Variants in RIMS2 observed in about 807,000 individuals in gnomAD.
The protein encoded by RIMS2 is regulating synaptic membrane exocytosis 2, also known as regulating synaptic membrane exocytosis protein 2.
RIMS2 carries 59 observed loss-of-function variants against 174.4 expected under a neutral mutation model. The observed-to-expected ratio is 0.34, with a 90% CI of 0.27 to 0.42. The LOEUF is 0.42. Among genes scored for constraint, RIMS2 ranks in the 10% least tolerant of loss-of-function variants. The pLI is 1.00. For synonymous variants in RIMS2, 606 were observed against 572.5 expected (o/e 1.06, Z -0.84); for missense variants, 1,620 against 1,666.3 (o/e 0.97, Z 0.48).
At chr8:103,500,896 C>T (rs1267426579) in exon 1 of RIMS2, 42 of 1,597,096 alleles carry the variant, frequency 2.6e-5, no homozygotes, top group Non-Finnish European at 3.6e-5. Context: ...CATGTCGGCT[C>T]CTGTCGGGCC....
chr8:103,834,674 CT>C (rs1554867087), intron 3 of RIMS2, among the ~76,000 whole-genome samples: 1 of 113,852 alleles, frequency 8.8e-6, no homozygotes, highest in Non-Finnish European at 2.0e-5. Context: ...CCTCTGAGGT[CT>C]TTTTCTTTCT....
intron 19 of RIMS2, among the ~76,000 whole-genome samples, chr8:104,069,201 G>A (rs530046084): frequency 6.6e-6 from 1 of 152,114 alleles, no homozygotes; most frequent in East Asian, 1.9e-4. Context: ...CCAACTATAG[G>A]CAAATGTTAA....
At chr8:103,731,985 CTTGTTGATGT>C (rs2097602550) in intron 2 of RIMS2, among the ~76,000 whole-genome samples, 1 of 152,122 alleles carries the variant, frequency 6.6e-6, no homozygotes, top group African/African-American at 2.4e-5. Context: ...AGTCTTGGTG[CTTGTTGATGT>C]TTGTTGATGT....
intron 19 of RIMS2, among the ~76,000 whole-genome samples, chr8:104,106,824 T>C (rs2098078193): frequency 6.6e-6 from 1 of 152,188 alleles, no homozygotes; most frequent in Admixed American, 6.5e-5. Context: ...TTATCCCTCA[T>C]GATAAGCAAA....
At chr8:104,176,881 T>C (rs1029749920) in intron 19 of RIMS2, among the ~76,000 whole-genome samples, 2 of 152,062 alleles carry the variant, frequency 1.3e-5, no homozygotes, top group African/African-American at 2.4e-5. Context: ...ACTCCTATTT[T>C]ATCATTAGCA....
chr8:103,898,731 T>A (rs1048155814), intron 4 of RIMS2, among the ~76,000 whole-genome samples: 4 of 151,538 alleles, frequency 2.6e-5, no homozygotes, highest in Non-Finnish European at 5.9e-5. Flanking sequence ...TTTATTTTTT[T>A]TTATTATTAT....
chr8:104,134,155 A>C (rs1404048337), intron 19 of RIMS2, among the ~76,000 whole-genome samples: 1 of 152,214 alleles, frequency 6.6e-6, no homozygotes. Flanking sequence ...TTCTCAACAT[A>C]AGCCGCAGCA....
At chr8:103,788,583 G>A (rs1418893047) in intron 3 of RIMS2, among the ~76,000 whole-genome samples, 6 of 151,942 alleles carry the variant, frequency 3.9e-5, no homozygotes, top group South Asian at 2.1e-4. Context: ...TAGGCTGCTC[G>A]GGGGTCAGGG....
chr8:104,059,514 A>G (rs375968263), intron 19 of RIMS2, among the ~76,000 whole-genome samples: 35,504 of 147,134 alleles, frequency 0.24, 4,329 homozygotes, highest in South Asian at 0.34. Flanking sequence ...GTCATCTGCA[A>G]ACAGGGACAA....
In RIMS2 at chr8:104,241,116, C is replaced by T. The variant is rs555695112; in HGVS notation, c.3335-3800C>T. ...GCTCTGCTTTTCCCACCCCACTAAG[C>T]TGCTTCTAATAGGGCCTTCCATATG... is the stretch of plus-strand genomic sequence containing the variant. On this transcript the variant is annotated intron_variant, in intron 19 of 23. Transcript: ENST00000504942. Among the ~76,000 whole-genome samples, 34 of 152,272 alleles carry T rather than the reference C, an allele frequency of 2.2e-4. No individual in the cohort carries two copies. The South Asian group carries it at 2.3e-3, about 10-fold the overall frequency.
chr8:103,607,658 C>G (rs565844393), intron 1 of RIMS2, among the ~76,000 whole-genome samples: 2 of 140,362 alleles, frequency 1.4e-5, no homozygotes, highest in Non-Finnish European at 3.1e-5. Flanking sequence ...TAGATTTGGT[C>G]TTTTCACATA....
chr8:103,831,368 T>G (rs2098824891), intron 3 of RIMS2, among the ~76,000 whole-genome samples: 1 of 152,202 alleles, frequency 6.6e-6, no homozygotes, highest in East Asian at 1.9e-4. Context: ...CTTTTCTTTC[T>G]GCGTGGCTAA....
intron 19 of RIMS2, among the ~76,000 whole-genome samples, chr8:104,032,558 T>G (rs534190337): frequency 1.1e-4 from 16 of 151,864 alleles, no homozygotes; most frequent in African/African-American, 3.9e-4. Context: ...GAACCAAGAA[T>G]AAAATGAAAA....
intron 2 of RIMS2, among the ~76,000 whole-genome samples, chr8:103,752,526 A>G (rs1208415513): frequency 3.3e-5 from 5 of 152,114 alleles, no homozygotes; most frequent in African/African-American, 4.8e-5. Flanking sequence ...CATTGAATCT[A>G]TAAATTACCT....
At chr8:103,769,741 TGTGGG>T (rs1422835093) in intron 3 of RIMS2, among the ~76,000 whole-genome samples, 7 of 152,234 alleles carry the variant, frequency 4.6e-5, no homozygotes, top group Non-Finnish European at 7.3e-5. Flanking sequence ...ATTGACCTAT[TGTGGG>T]GAGCCAACAG....
intron 1 of RIMS2, among the ~76,000 whole-genome samples, chr8:103,602,283 G>A (rs1221315406): frequency 6.6e-6 from 1 of 152,150 alleles, no homozygotes; most frequent in African/African-American, 2.4e-5. Flanking sequence ...CACCACGCCT[G>A]ATCCATGCTT....
At chr8:103,579,361 A>G (rs1791992865) in intron 1 of RIMS2, among the ~76,000 whole-genome samples, 1 of 152,210 alleles carries the variant, frequency 6.6e-6, no homozygotes. Context: ...ATGCAAAAAG[A>G]AAACATCTGA....
intron 19 of RIMS2, among the ~76,000 whole-genome samples, chr8:104,115,430 C>A (rs997405386): frequency 1.3e-5 from 2 of 151,796 alleles, no homozygotes; most frequent in Non-Finnish European, 2.9e-5. Flanking sequence ...TAAACTAAAT[C>A]TTTAATTATT....
intron 19 of RIMS2, among the ~76,000 whole-genome samples, chr8:104,152,698 T>G (rs1236411235): frequency 6.6e-6 from 1 of 152,126 alleles, no homozygotes; most frequent in Non-Finnish European, 1.5e-5. Context: ...AATAGCTTCT[T>G]TCTTCAGACA....
Sources: gnomAD v4.1 joint callset for allele counts (sites outside exome capture counted in the v4.1 genomes callset) on GRCh38, gnomAD v4.1.1 for gene constraint, MANE v1.5 for transcripts, NCBI Gene and HGNC (gene_info 2026-07-23, HGNC 2026-07-21) for gene names.